Variants in DCAKD observed in about 807,000 individuals in gnomAD.
DCAKD encodes the protein dephospho-CoA kinase domain containing, also known as dephospho-CoA kinase domain-containing protein.
In DCAKD, 15 loss-of-function variants were observed where a neutral mutation model predicts 18.7. The ratio of observed to expected loss-of-function variants is 0.80; its 90% CI spans 0.54 to 1.24. The LOEUF is 1.24. Among genes scored for constraint, DCAKD ranks in the 50% most tolerant of loss-of-function variants. The pLI, the probability that DCAKD is intolerant of heterozygous loss-of-function variation, is 0.00. For synonymous variants in DCAKD, 130 were observed against 133.0 expected (o/e 0.98, Z 0.16); for missense variants, 301 against 322.0 (o/e 0.93, Z 0.50).
intron 2 of DCAKD, among the ~76,000 whole-genome samples, 156 bp from the exon 3 acceptor site, chr17:45,034,546 C>G (rs2053246542): frequency 6.6e-6 from 1 of 152,138 alleles, no homozygotes; most frequent in African/African-American, 2.4e-5. Context: ...AGGAAAAGAG[C>G]AGAGTGTACA....
In DCAKD at chr17:45,024,398, A is replaced by T; in HGVS notation, c.*35T>A. 4.5e-6 allele frequency: 7 copies of T among 1,570,404 alleles called. No homozygotes were observed. The highest frequency in any genetic ancestry group is 6.1e-6 in the Non-Finnish European group (7 of 1,152,854). On this transcript the variant is annotated 3_prime_UTR_variant, in exon 5 of 5. Transcript: ENST00000651974. Reference sequence around the variant, plus strand: ...CTGGCTTCAGCCTCCAAGGAGATAGATGGAGGCCTGGGGCTCCCTGCCTTG... The same window carrying T: ...CTGGCTTCAGCCTCCAAGGAGATAGTTGGAGGCCTGGGGCTCCCTGCCTTG...
chr17:45,029,031 T>G (rs1449080925), intron 4 of DCAKD, among the ~76,000 whole-genome samples: 1 of 152,216 alleles, frequency 6.6e-6, no homozygotes, highest in African/African-American at 2.4e-5. Context: ...AAAAATGTTT[T>G]TATCCCTAAA....
chr17:45,038,926 G>A (rs2053367169), intron 1 of DCAKD, among the ~76,000 whole-genome samples: 1 of 152,224 alleles, frequency 6.6e-6, no homozygotes, highest in Admixed American at 6.5e-5. Context: ...TCTGTGCTCT[G>A]CAGGAACGGT....
chr17:45,024,335 GT>G lies in DCAKD; in HGVS notation c.*97del. 1.0e-4 allele frequency: 1 copy of G among 9,690 alleles called. No homozygotes were observed. Among genetic ancestry groups the G allele is most frequent in the South Asian group, 1.1e-3 (1 of 934 alleles). 0.6% of individuals were successfully genotyped at this position (9,690 alleles called of 1,614,324 possible). On this transcript the variant is annotated 3_prime_UTR_variant, in exon 5 of 5. Coordinates refer to ENST00000651974, the MANE Select transcript of DCAKD (RefSeq NM_001288655.2). ...TGTGTGTGTGTGTGTGTGTGTGTGT[GT>G]GTGGGGAGGGGGCTGAGAGGAAACA...
chr17:45,043,741 G>A (rs1387063416), intron 1 of DCAKD, among the ~76,000 whole-genome samples: 2 of 152,118 alleles, frequency 1.3e-5, no homozygotes, highest in Admixed American at 6.5e-5. Flanking sequence ...GGCTCCCTCC[G>A]GATTTGGGGG....
intron 1 of DCAKD, among the ~76,000 whole-genome samples, chr17:45,057,048 T>C (rs922944153): frequency 3.9e-5 from 6 of 152,148 alleles, no homozygotes; most frequent in Non-Finnish European, 8.8e-5. Context: ...ATTACAGGCG[T>C]GAGCCACTGC....
At chr17:45,052,433 G>A (rs1322059966), upstream of DCAKD, among the ~76,000 whole-genome samples, 9 of 152,114 alleles carry the variant, frequency 5.9e-5, no homozygotes, top group African/African-American at 2.2e-4. Flanking sequence ...TATGTTTAGC[G>A]GTTAATCCAT....
Position 45,051,367 on chromosome 17 carries a change from G to A in DCAKD, c.-121C>T, listed in dbSNP as rs1303226846. ...TGGATATAAAAGCACTTGCCTTAGT[G>A]CTGGCCGCATACGACGCGCTCAATA... On this transcript the variant is annotated 5_prime_UTR_variant, in exon 1 of 5. Coordinates refer to ENST00000651974, the MANE Select transcript of DCAKD (RefSeq NM_001288655.2). The A allele has an allele frequency of 6.6e-6, 1 of 152,180 alleles. No individual in the cohort carries two copies. The highest frequency in any genetic ancestry group is 1.5e-5 in the Non-Finnish European group (1 of 68,050). The allele number at this position is 152,180 out of a possible 1,614,324, so 9.4% of individuals were successfully genotyped here.
chr17:45,044,959 G>C (rs2053532825), intron 1 of DCAKD, among the ~76,000 whole-genome samples: 1 of 152,242 alleles, frequency 6.6e-6, no homozygotes, highest in South Asian at 2.1e-4. Flanking sequence ...GACAGCAAGA[G>C]GGTCAGGGCA....
At chr17:45,051,644 AGC>A (rs1286435224), upstream of DCAKD, 1 of 146,778 alleles carries the variant, frequency 6.8e-6, no homozygotes, top group African/African-American at 2.5e-5. Flanking sequence ...GGACCTCGGG[AGC>A]GCGCGCCTGC....
chr17:45,042,632 C>T (rs536752670), intron 1 of DCAKD, among the ~76,000 whole-genome samples: 3 of 152,358 alleles, frequency 2.0e-5, no homozygotes, highest in South Asian at 2.1e-4. Flanking sequence ...AATTATTTCT[C>T]GAGGAACCAG....
At chr17:45,035,349 C>T (rs1202673417) in intron 1 of DCAKD, among the ~76,000 whole-genome samples, 2 of 151,796 alleles carry the variant, frequency 1.3e-5, no homozygotes, top group Non-Finnish European at 2.9e-5. Context: ...GGCGTGGTGG[C>T]GTGCACCTAG....
rs748841150 is a variant in DCAKD, at chr17:45,034,320, G to GCAAGACCTCAGTGGCCA, written c.182_183insTGGCCACTGAGGTCTTG (p.Asp63HisfsTer2). On this transcript the variant is annotated stop_gained and frameshift_variant, in exon 3 of 5. Transcript: ENST00000651974. LOFTEE classifies it high-confidence loss of function. ...CCAGGACCTTGCGATTTATGTCGCC[G>GCAAGACCTCAGTGGCCA]TTCTCCAGCAAGACCTCAGTGCCGA... 1 of 1,613,838 alleles carries GCAAGACCTCAGTGGCCA rather than the reference G, an allele frequency of 6.2e-7. No individual in the cohort carries two copies. The highest frequency in any genetic ancestry group is 2.2e-5 in the East Asian group (1 of 44,870).
At chr17:45,035,062 A>C in intron 1 of DCAKD, 63 bp from the exon 2 acceptor site, 1 of 614,254 alleles carries the variant, frequency 1.6e-6, no homozygotes, top group Non-Finnish European at 2.9e-6. Flanking sequence ...GAGAGGAGGC[A>C]AAGGAAGTAA....
chr17:45,036,107 T>C (rs1370316782), intron 1 of DCAKD, among the ~76,000 whole-genome samples: 1 of 152,132 alleles, frequency 6.6e-6, no homozygotes, highest in African/African-American at 2.4e-5. Context: ...GGCACAAAGG[T>C]TGGGGCATGG....
intron 1 of DCAKD, among the ~76,000 whole-genome samples, chr17:45,056,894 A>G (rs1417273971): frequency 6.6e-6 from 1 of 151,786 alleles, no homozygotes; most frequent in Non-Finnish European, 1.5e-5. Context: ...CAGCCTACCA[A>G]GTAGCTGGGA....
intron 3 of DCAKD, chr17:45,030,933 C>G (rs1268217964): frequency 1.0e-6 from 1 of 976,896 alleles, no homozygotes; most frequent in Non-Finnish European, 1.2e-6. Context: ...AAGGGCAGCA[C>G]CCCCACCCAC....
chr17:45,045,920 G>A (rs536756338), intron 1 of DCAKD, among the ~76,000 whole-genome samples: 34 of 151,850 alleles, frequency 2.2e-4, no homozygotes, highest in Admixed American at 1.5e-3. Flanking sequence ...CTACCTCCTG[G>A]GTTAAAGCGA....
intron 1 of DCAKD, among the ~76,000 whole-genome samples, chr17:45,037,891 C>G (rs146852063): frequency 1.3e-5 from 2 of 151,754 alleles, no homozygotes; most frequent in Non-Finnish European, 2.9e-5. Flanking sequence ...CTCAAACTCC[C>G]GAATAGCTGG....
Sources: gnomAD v4.1 joint callset for allele counts (sites outside exome capture counted in the v4.1 genomes callset) on GRCh38, gnomAD v4.1.1 for gene constraint, MANE v1.5 for transcripts, NCBI Gene and HGNC (gene_info 2026-07-23, HGNC 2026-07-21) for gene names.